LYPD6B: variants seen among roughly 807,000 people sequenced by gnomAD.
The protein encoded by LYPD6B is LY6/PLAUR domain containing 6B, also known as ly6/PLAUR domain-containing protein 6B.
LYPD6B carries 17 observed loss-of-function variants against 22.8 expected under a neutral mutation model. The observed-to-expected ratio is 0.75, with a 90% CI of 0.51 to 1.12. LYPD6B has a LOEUF of 1.12. LYPD6B is among the 50% of genes most tolerant of loss of function. The pLI is 0.00. For synonymous variants in LYPD6B, 106 were observed against 91.6 expected (o/e 1.16, Z -0.90); for missense variants, 221 against 258.3 (o/e 0.86, Z 0.99).
At chr2:149,081,792 T>G (rs529413244) in intron 1 of LYPD6B, among the ~76,000 whole-genome samples, 1 of 152,358 alleles carries the variant, frequency 6.6e-6, no homozygotes, top group African/African-American at 2.4e-5. Flanking sequence ...CATTTAATTT[T>G]TTTTAGCTAA....
At chr2:149,189,351 TATATATATATATATATACAC>T (rs1423642712) in intron 3 of LYPD6B, among the ~76,000 whole-genome samples, 18 of 91,146 alleles carry the variant, frequency 2.0e-4, no homozygotes, top group Non-Finnish European at 4.0e-4. Context: ...ATTATATATA[TATATATATATATATATACAC>T]ACACATATGT....
chr2:149,142,592 T>C (rs1688759484), intron 2 of LYPD6B, among the ~76,000 whole-genome samples: 1 of 152,210 alleles, frequency 6.6e-6, no homozygotes, highest in Admixed American at 6.5e-5. Flanking sequence ...TTTGCCACTT[T>C]CTTTTGTGTG....
chr2:149,114,985 G>A (rs541728275), intron 1 of LYPD6B, among the ~76,000 whole-genome samples: 41 of 152,208 alleles, frequency 2.7e-4, no homozygotes, highest in African/African-American at 9.2e-4. Context: ...TGTTGCCCAG[G>A]CTGGAGTGCA....
At chr2:149,139,239 A>G (rs1575045826) in intron 2 of LYPD6B, among the ~76,000 whole-genome samples, 1 of 152,282 alleles carries the variant, frequency 6.6e-6, no homozygotes, top group African/African-American at 2.4e-5. Flanking sequence ...TGGCTTTTCC[A>G]TGAAACATAA....
At chr2:149,088,462 C>T (rs909601374) in intron 1 of LYPD6B, among the ~76,000 whole-genome samples, 1 of 152,112 alleles carries the variant, frequency 6.6e-6, no homozygotes, top group Non-Finnish European at 1.5e-5. Flanking sequence ...GAACGTGTGG[C>T]TGTCTTCTTA....
intron 1 of LYPD6B, among the ~76,000 whole-genome samples, chr2:149,113,332 A>G (rs957553201): frequency 6.6e-6 from 1 of 152,296 alleles, no homozygotes; most frequent in East Asian, 1.9e-4. Flanking sequence ...AAAAGTTTTC[A>G]AAGGACTCAA....
intron 1 of LYPD6B, among the ~76,000 whole-genome samples, chr2:149,045,184 C>T (rs1683254916): frequency 6.6e-6 from 1 of 151,938 alleles, no homozygotes; most frequent in Admixed American, 6.5e-5. Flanking sequence ...TCCACTTCAC[C>T]TAAGTTGTCA....
intron 2 of LYPD6B, among the ~76,000 whole-genome samples, chr2:149,154,740 C>G (rs1409704556): frequency 5.3e-5 from 8 of 151,938 alleles, no homozygotes; most frequent in Admixed American, 3.3e-4. Flanking sequence ...GAGACAGGTA[C>G]AGTAGATTTG....
Position 149,214,674 on chromosome 2 carries a change from A to G in LYPD6B, c.588A>G (p.Pro196=), listed in dbSNP as rs781036489. The G allele has an allele frequency of 6.2e-7, 1 of 1,613,998 alleles. No homozygotes were observed. The highest frequency in any genetic ancestry group is 1.1e-5 in the South Asian group (1 of 91,082). ...GCAGTGCCCCCACACTCTACCTACCAGTGCTTGCCTGGGTCTTTGTGCTTC... is the reference window on the plus strand; with the variant it reads ...GCAGTGCCCCCACACTCTACCTACCGGTGCTTGCCTGGGTCTTTGTGCTTC... ...SGSSAPTLYL[P]VLAWVFVLPL... is the part of the protein sequence containing the mutation. The change falls in exon 7 of 7, where the codon CCA becomes CCG. Residue 196 remains proline, a synonymous_variant. Coordinates refer to ENST00000409642, the MANE Select transcript of LYPD6B (RefSeq NM_177964.5).
chr2:149,044,409 G>T (rs991307093), intron 1 of LYPD6B, among the ~76,000 whole-genome samples: 1 of 152,012 alleles, frequency 6.6e-6, no homozygotes, highest in Non-Finnish European at 1.5e-5. Flanking sequence ...TATAGAAATA[G>T]AATTTATTTT....
chr2:149,062,628 A>G (rs562691231), intron 1 of LYPD6B, among the ~76,000 whole-genome samples: 3 of 152,304 alleles, frequency 2.0e-5, no homozygotes, highest in Non-Finnish European at 4.4e-5. Flanking sequence ...GTTGCTTCTA[A>G]AAGGCATAAT....
At chr2:149,049,638 A>T (rs896095502) in intron 1 of LYPD6B, among the ~76,000 whole-genome samples, 4 of 152,164 alleles carry the variant, frequency 2.6e-5, no homozygotes, top group African/African-American at 7.2e-5. Context: ...TATGCGCTAG[A>T]TACTAGAGCC....
intron 5 of LYPD6B, 101 bp from the exon 6 acceptor site, chr2:149,212,891 T>G: frequency 8.2e-7 from 1 of 1,217,398 alleles, no homozygotes; most frequent in Non-Finnish European, 1.1e-6. Flanking sequence ...CTGGCCTGAA[T>G]TTGAGTCCTT....
intron 1 of LYPD6B, among the ~76,000 whole-genome samples, chr2:149,100,173 G>A (rs959015817): frequency 1.9e-4 from 29 of 152,078 alleles, no homozygotes; most frequent in African/African-American, 6.3e-4. Flanking sequence ...GTATTTTCAA[G>A]TTATCATCGA....
intron 3 of LYPD6B, among the ~76,000 whole-genome samples, chr2:149,162,435 T>C (rs1198676108): frequency 2.6e-5 from 4 of 152,104 alleles, no homozygotes; most frequent in African/African-American, 4.8e-5. Flanking sequence ...ATGTAACCCA[T>C]TGAACAGCAC....
intron 1 of LYPD6B, among the ~76,000 whole-genome samples, chr2:149,127,130 A>G (rs934511126): frequency 8.6e-5 from 13 of 151,334 alleles, no homozygotes; most frequent in African/African-American, 3.1e-4. Flanking sequence ...TTAATATTTC[A>G]TATTTTATTA....
intron 1 of LYPD6B, among the ~76,000 whole-genome samples, chr2:149,098,835 G>A (rs1686050429): frequency 6.8e-6 from 1 of 148,048 alleles, no homozygotes; most frequent in East Asian, 2.0e-4. Context: ...ACGGGACTTT[G>A]ATGCACTGCC....
intron 3 of LYPD6B, among the ~76,000 whole-genome samples, chr2:149,162,692 A>C (rs1308043089): frequency 6.6e-6 from 1 of 152,210 alleles, no homozygotes; most frequent in Non-Finnish European, 1.5e-5. Context: ...AAAAGGTGCC[A>C]GTTGTAGTCA....
intron 2 of LYPD6B, among the ~76,000 whole-genome samples, chr2:149,149,347 T>A (rs1689223256): frequency 6.6e-6 from 1 of 152,150 alleles, no homozygotes; most frequent in African/African-American, 2.4e-5. Context: ...TTGTGTGTGA[T>A]TTTGTATGCT....
Sources: gnomAD v4.1 joint callset for allele counts (sites outside exome capture counted in the v4.1 genomes callset) on GRCh38, gnomAD v4.1.1 for gene constraint, MANE v1.5 for transcripts, NCBI Gene and HGNC (gene_info 2026-07-23, HGNC 2026-07-21) for gene names.